SLC9A1: variants seen among roughly 807,000 people sequenced by gnomAD.
SLC9A1 encodes the protein sodium/hydrogen exchanger 1.
In SLC9A1, 22 loss-of-function variants were observed where a neutral mutation model predicts 67.9. That is an observed-to-expected ratio of 0.32 (90% CI 0.23 to 0.46). SLC9A1 has a LOEUF of 0.46. Among genes scored for constraint, SLC9A1 ranks in the 20% least tolerant of loss-of-function variants. SLC9A1 has a pLI of 1.00. For missense variants in SLC9A1, 686 were observed against 1,094.8 expected, an observed-to-expected ratio of 0.63 and a Z score of 5.27; for synonymous variants, 421 against 471.8, an observed-to-expected ratio of 0.89 and a Z score of 1.40.
rs786204831 is a variant in SLC9A1, at chr1:27,109,678, C to T, written c.913G>A (p.Gly305Arg). 3 of 1,613,966 alleles carry T rather than the reference C, an allele frequency of 1.9e-6. No individual in the cohort carries two copies. Among genetic ancestry groups the T allele is most frequent in the Admixed American group, 1.7e-5 (1 of 60,022 alleles). Residue 305 changes from glycine to arginine, a missense_variant, in exon 3 of 12, where the codon GGG (glycine) becomes AGG (arginine). Coordinates refer to ENST00000263980, the MANE Select transcript of SLC9A1 (RefSeq NM_003047.5). This position sits in a 1 kb window ranked among gnomAD's most constrained non-coding sequence, Gnocchi z 5.5. Reference sequence around the variant, plus strand: ...CCGTAGACCACGCCCACAAGCACCCCGCCCAGGGCCACCACGAAGAAGCTC... The same window carrying T: ...CCGTAGACCACGCCCACAAGCACCCTGCCCAGGGCCACCACGAAGAAGCTC... ...FLSFFVVALGGVLVGVVYGVI... is the reference protein window; with the variant it reads ...FLSFFVVALGRVLVGVVYGVI...
intron 4 of SLC9A1, among the ~76,000 whole-genome samples, chr1:27,107,021 T>C (rs1026720459): frequency 6.6e-6 from 1 of 150,858 alleles, no homozygotes; most frequent in African/African-American, 2.4e-5. Flanking sequence ...CCCTCCTGTC[T>C]AGCTGTGCTG....
intron 1 of SLC9A1, among the ~76,000 whole-genome samples, chr1:27,124,793 A>T (rs1253217118): frequency 6.6e-6 from 1 of 152,076 alleles, no homozygotes; most frequent in Non-Finnish European, 1.5e-5. Context: ...GTGACCTCTC[A>T]GAAGGGCCAG....
chr1:27,113,481 CAAG>C (rs2083244553), intron 2 of SLC9A1, among the ~76,000 whole-genome samples: 1 of 152,112 alleles, frequency 6.6e-6, no homozygotes, highest in South Asian at 2.1e-4. Context: ...CAAGTCAAGT[CAAG>C]GAGGGAGCAT....
Position 27,154,016 on chromosome 1 carries a change from G to A in SLC9A1, c.319C>T (p.Leu107Phe). ...ATGAGGCAGGCCAGAAGGATCCAGA[G>A]GGAGATCTCGAAGGGGGTGCGCACG... ...THVRTPFEIS[L>F]WILLACLMKI... Residue 107 changes from leucine (L) to phenylalanine (F), a missense_variant, in exon 1 of 12, where the codon CTC becomes TTC. Around this residue, in one of 7 missense-constraint regions of SLC9A1, gnomAD observed 143 missense variants for 166.7 expected, o/e 0.86. Transcript: ENST00000263980. The A allele has an allele frequency of 6.3e-7, 1 of 1,587,272 alleles. No homozygotes were observed. Among genetic ancestry groups the A allele is most frequent in the Non-Finnish European group, 8.6e-7 (1 of 1,162,782 alleles).
At chr1:27,124,179 G>A (rs2124173116) in intron 1 of SLC9A1, among the ~76,000 whole-genome samples, 1 of 152,284 alleles carries the variant, frequency 6.6e-6, no homozygotes, top group East Asian at 1.9e-4. Context: ...CACACCTGGG[G>A]TGGGGCAGAG....
In SLC9A1 at chr1:27,116,931, C is replaced by T. The variant is rs564783226; in HGVS notation, c.353-2645G>A. The stretch of plus-strand genomic sequence containing the variant: ...TCTAGAAATCATTCCTCTACCTCTA[C>T]CCCCACCATATGTGGCTGACACCAT... On this transcript the variant is annotated intron_variant, in intron 1 of 11. Transcript: ENST00000263980. Among the ~76,000 whole-genome samples, 12 of 152,142 alleles carry T rather than the reference C, an allele frequency of 7.9e-5. No individual in the cohort carries two copies. The South Asian group carries it at 8.5e-4, about 11-fold the overall frequency.
At chr1:27,108,699 G>A (rs368705902) in intron 3 of SLC9A1, among the ~76,000 whole-genome samples, 338 of 152,190 alleles carry the variant, frequency 2.2e-3, no homozygotes, top group African/African-American at 7.3e-3. Flanking sequence ...CTGACTCTAA[G>A]AGAAATAGTC....
Position 27,101,242 on chromosome 1 carries a change from G to C in SLC9A1, c.2071C>G (p.Leu691Val). ...NNYLTVPAHK[L>V]DSPTMSRARI... ...GCCCGAGACATGGTGGGTGAGTCCA[G>C]CTTGTGGGCTGGCACCGTCAGGTAG... The change falls in exon 11 of 12, where the codon CTG becomes GTG. Residue 691 changes from leucine to valine, a missense_variant. Leu to Val is a conservative substitution (Grantham distance 32, BLOSUM62 1). Transcript: ENST00000263980. This position sits in a 1 kb window ranked among gnomAD's most constrained non-coding sequence, Gnocchi z 4.9. The C allele has an allele frequency of 6.2e-7, 1 of 1,612,284 alleles. No individual in the cohort carries two copies. The highest frequency in any genetic ancestry group is 8.5e-7 in the Non-Finnish European group (1 of 1,179,980).
chr1:27,142,852 G>A (rs2083460856), intron 1 of SLC9A1, among the ~76,000 whole-genome samples: 1 of 151,860 alleles, frequency 6.6e-6, no homozygotes, highest in African/African-American at 2.4e-5. Flanking sequence ...TCACTCTGGG[G>A]TCCTTCTCCT....
In SLC9A1 at chr1:27,106,413, TG is replaced by T. The variant is rs923930633; in HGVS notation, c.1283-327del. Among the ~76,000 whole-genome samples, 8 of 152,072 alleles carry T rather than the reference TG, an allele frequency of 5.3e-5. No individual in the cohort carries two copies. Among genetic ancestry groups the T allele is most frequent in the Non-Finnish European group, 1.2e-4 (8 of 67,984 alleles). On this transcript the variant is annotated intron_variant, in intron 4 of 11. Coordinates refer to ENST00000263980, the MANE Select transcript of SLC9A1 (RefSeq NM_003047.5). This position sits in a 1 kb window ranked among gnomAD's most constrained non-coding sequence, Gnocchi z 4.3. Reference sequence around the variant, plus strand: ...CAATACTTGTTAAATGTGATGGGTGTGTGGGGGGTCATGATCCTATTCTCTC... The same window carrying T: ...CAATACTTGTTAAATGTGATGGGTGTTGGGGGGTCATGATCCTATTCTCTC...
intron 1 of SLC9A1, among the ~76,000 whole-genome samples, chr1:27,125,954 C>A (rs574045653): frequency 6.6e-6 from 1 of 152,096 alleles, no homozygotes; most frequent in East Asian, 1.9e-4. Context: ...TCCCCCTCCG[C>A]GTCTTTCCAC....
In SLC9A1 at chr1:27,109,201, G is replaced by A. The variant is rs950229420; in HGVS notation, c.1064+326C>T. The stretch of plus-strand genomic sequence containing the variant: ...GTGGCTTTCCTCAACCTGAAGCTTA[G>A]TGGCTTCCAAGGCTCTGCTCTCCTA... On this transcript the variant is annotated intron_variant, in intron 3 of 11. Transcript: ENST00000263980. This position sits in a 1 kb window ranked among gnomAD's most constrained non-coding sequence, Gnocchi z 5.5. Among the ~76,000 whole-genome samples the A allele has an allele frequency of 5.3e-5, 8 of 152,134 alleles. No individual in the cohort carries two copies. The highest frequency in any genetic ancestry group is 1.9e-4 in the African/African-American group (8 of 41,420).
intron 1 of SLC9A1, among the ~76,000 whole-genome samples, chr1:27,138,623 C>A (rs188012734): frequency 6.6e-6 from 1 of 151,992 alleles, no homozygotes; most frequent in Admixed American, 6.5e-5. Context: ...AGGAGAGCAC[C>A]GGCGCGAGGC....
chr1:27,148,547 T>A (rs537842722), intron 1 of SLC9A1, among the ~76,000 whole-genome samples: 2 of 152,202 alleles, frequency 1.3e-5, no homozygotes, highest in Admixed American at 1.3e-4. Context: ...GAGTGATTAG[T>A]CCCAGGCATG....
In SLC9A1 at chr1:27,100,134, G is replaced by A. The variant is rs1431182901; in HGVS notation, c.*173C>T. ...AGCTCTGGTGGGGAGGATGCTTCCC[G>A]GGAGGCGGCAGGGGAGGAGCTGTGC... On this transcript the variant is annotated 3_prime_UTR_variant, in exon 12 of 12. Coordinates refer to ENST00000263980, the MANE Select transcript of SLC9A1 (RefSeq NM_003047.5). The surrounding 1 kb of genome is among the most constrained non-coding windows in gnomAD (Gnocchi z 5.6). The A allele has an allele frequency of 3.1e-5, 15 of 487,344 alleles. No homozygotes were observed. The highest frequency in any genetic ancestry group is 4.3e-5 in the Non-Finnish European group (12 of 280,622). 30.2% of individuals were successfully genotyped at this position (487,344 alleles called of 1,614,324 possible).
At chr1:27,149,642 A>G (rs1458178483) in intron 1 of SLC9A1, among the ~76,000 whole-genome samples, 2 of 152,210 alleles carry the variant, frequency 1.3e-5, no homozygotes, top group African/African-American at 4.8e-5. Context: ...AAGTTACTAC[A>G]GTGAGCTGGG....
At chr1:27,150,634 G>C (rs1226850031) in intron 1 of SLC9A1, among the ~76,000 whole-genome samples, 2 of 152,124 alleles carry the variant, frequency 1.3e-5, no homozygotes, top group Non-Finnish European at 2.9e-5. Flanking sequence ...TCCCCACCAA[G>C]GACAAGCAAG....
chr1:27,111,889 C>A (rs1421313074), intron 2 of SLC9A1, among the ~76,000 whole-genome samples: 1 of 152,188 alleles, frequency 6.6e-6, no homozygotes, highest in African/African-American at 2.4e-5. Flanking sequence ...ACTACCACCG[C>A]TGCCACTGCC....
chr1:27,131,978 A>ATATATATATATAT (rs1491404048), intron 1 of SLC9A1, among the ~76,000 whole-genome samples: 2 of 142,076 alleles, frequency 1.4e-5, no homozygotes, highest in African/African-American at 5.3e-5. Flanking sequence ...ATATATATAT[A>ATATATATATATAT]AAATTATGGC....
Sources: gnomAD v4.1 joint callset for allele counts (sites outside exome capture counted in the v4.1 genomes callset) on GRCh38, gnomAD v4.1.1 for gene constraint, gnomAD v4.1.1 regional missense constraint, Gnocchi (gnomAD v3.1) non-coding constraint, MANE v1.5 for transcripts, NCBI Gene and HGNC (gene_info 2026-07-23, HGNC 2026-07-21) for gene names.